PDE7B: variants seen among roughly 807,000 people sequenced by gnomAD.
PDE7B encodes 3',5'-cyclic-AMP phosphodiesterase 7B.
A neutral mutation model predicts 56.2 loss-of-function variants in PDE7B; 29 were observed. The observed-to-expected ratio is 0.52, with a 90% CI of 0.38 to 0.70. The LOEUF is 0.70. Among genes scored for constraint, PDE7B ranks in the 30% least tolerant of loss-of-function variants. PDE7B has a pLI of 0.00. For missense variants in PDE7B, 490 were observed against 565.0 expected (o/e 0.87, Z 1.35); for synonymous variants, 197 against 196.9 (o/e 1.00, Z 0.00).
intron 2 of PDE7B, among the ~76,000 whole-genome samples, chr6:136,085,810 G>A (rs1299761587): frequency 7.2e-5 from 11 of 152,302 alleles, no homozygotes; most frequent in African/African-American, 1.7e-4. Context: ...CCGTGGTACC[G>A]TAACTGACTA....
At chr6:135,875,730 T>C (rs1775479111) in intron 1 of PDE7B, among the ~76,000 whole-genome samples, 1 of 152,254 alleles carries the variant, frequency 6.6e-6, no homozygotes, top group African/African-American at 2.4e-5. Flanking sequence ...GACTAAAACG[T>C]ATCCTTATTT....
intron 2 of PDE7B, among the ~76,000 whole-genome samples, chr6:136,009,470 T>C (rs1207517882): frequency 6.6e-6 from 1 of 152,164 alleles, no homozygotes; most frequent in East Asian, 1.9e-4. Context: ...CTCATGAGCA[T>C]GGAATGTTCT....
At chr6:136,059,797 A>T (rs1258820297) in intron 2 of PDE7B, among the ~76,000 whole-genome samples, 1 of 152,244 alleles carries the variant, frequency 6.6e-6, no homozygotes, top group Non-Finnish European at 1.5e-5. Flanking sequence ...GATTGCTTCC[A>T]TAAGTAAAAG....
chr6:135,863,329 T>A (rs1400181073), intron 1 of PDE7B, among the ~76,000 whole-genome samples: 2 of 152,034 alleles, frequency 1.3e-5, no homozygotes, highest in East Asian at 3.8e-4. Context: ...AAATTGCCAT[T>A]TTTTTAGATC....
chr6:135,962,066 T>C (rs1224930427), intron 2 of PDE7B, among the ~76,000 whole-genome samples: 1 of 152,174 alleles, frequency 6.6e-6, no homozygotes, highest in African/African-American at 2.4e-5. Flanking sequence ...AGGTTGACAA[T>C]GGGAAAGTTT....
At chr6:136,164,660 G>T (rs1012306336) in intron 8 of PDE7B, among the ~76,000 whole-genome samples, 1 of 152,040 alleles carries the variant, frequency 6.6e-6, no homozygotes. Flanking sequence ...CCTGATGTTA[G>T]GAAATTTTTT....
At chr6:136,136,758 GAAA>G (rs113988168) in intron 3 of PDE7B, among the ~76,000 whole-genome samples, 4,593 of 127,182 alleles carry the variant, frequency 0.036, 262 homozygotes, top group African/African-American at 0.12. Flanking sequence ...AATAAATAAT[GAAA>G]AAAAAAAAAA....
chr6:135,853,436 A>G (rs907178555), intron 1 of PDE7B, among the ~76,000 whole-genome samples: 1 of 152,260 alleles, frequency 6.6e-6, no homozygotes, highest in Admixed American at 6.5e-5. Flanking sequence ...TTGCAAACGC[A>G]TAACTGCAGC....
At chr6:136,164,202 G>A (rs1382752914) in intron 8 of PDE7B, among the ~76,000 whole-genome samples, 1 of 152,154 alleles carries the variant, frequency 6.6e-6, no homozygotes, top group Non-Finnish European at 1.5e-5. Context: ...AGCAGAAGGA[G>A]AGGCAAACAC....
chr6:136,095,872 T>C (rs1272269046), intron 2 of PDE7B: 1 of 152,218 alleles, frequency 6.6e-6, no homozygotes, highest in East Asian at 1.9e-4. Flanking sequence ...TTTAAACTAT[T>C]ACCTAGCACA....
At chr6:136,018,939 T>C (rs1405642924) in intron 2 of PDE7B, among the ~76,000 whole-genome samples, 1 of 152,044 alleles carries the variant, frequency 6.6e-6, no homozygotes, top group East Asian at 1.9e-4. Context: ...TGTTCAGCAG[T>C]GTATGACTGG....
At chr6:135,926,743 G>A (rs550914355) in intron 1 of PDE7B, among the ~76,000 whole-genome samples, 1 of 152,174 alleles carries the variant, frequency 6.6e-6, no homozygotes, top group East Asian at 1.9e-4. Flanking sequence ...ATTTTGGGGT[G>A]GCATGTCCTG....
rs769454476 is a variant in PDE7B at position 135,851,728 on chromosome 6, G to A, written c.-271G>A. The A allele has an allele frequency of 4.0e-5, 16 of 404,478 alleles. No homozygotes were observed. Among genetic ancestry groups the A allele is most frequent in the East Asian group, 8.0e-5 (2 of 24,878 alleles). The allele number at this position is 404,478 out of a possible 1,614,324, so 25.1% of individuals were successfully genotyped here. On this transcript the variant is annotated 5_prime_UTR_variant, in exon 1 of 13. Transcript: ENST00000308191. ...TTGGTCTGGGCACTGCAGCAGGCTC[G>A]GCTCTGTCCCAGCACTTGTCTGGGA...
chr6:135,926,140 G>T (rs1017961295), intron 1 of PDE7B, among the ~76,000 whole-genome samples: 2 of 144,784 alleles, frequency 1.4e-5, no homozygotes, highest in Non-Finnish European at 3.0e-5. Context: ...AGGCTGCAGT[G>T]CAGTGGCGCA....
chr6:136,069,975 A>G (rs1777018518), intron 2 of PDE7B, among the ~76,000 whole-genome samples: 1 of 152,148 alleles, frequency 6.6e-6, no homozygotes, highest in South Asian at 2.1e-4. Context: ...AAGACCCCAA[A>G]ACTTTAAGTA....
chr6:136,095,208 G>A (rs926723364), intron 2 of PDE7B, among the ~76,000 whole-genome samples: 1 of 151,930 alleles, frequency 6.6e-6, no homozygotes, highest in African/African-American at 2.4e-5. Context: ...ATGTTTAATT[G>A]CTTATCAAAT....
intron 1 of PDE7B, among the ~76,000 whole-genome samples, chr6:135,927,736 A>G (rs551780169): frequency 6.6e-6 from 1 of 152,320 alleles, no homozygotes; most frequent in South Asian, 2.1e-4. Context: ...TCAGCAAAGA[A>G]TTTATGACTA....
intron 3 of PDE7B, among the ~76,000 whole-genome samples, chr6:136,114,284 A>C (rs957054297): frequency 2.6e-5 from 4 of 152,226 alleles, no homozygotes; most frequent in Admixed American, 2.6e-4. Flanking sequence ...ACCAATATAT[A>C]CAAACATATA....
intron 12 of PDE7B, among the ~76,000 whole-genome samples, chr6:136,187,646 C>T (rs1386872417): frequency 6.6e-6 from 1 of 152,206 alleles, no homozygotes; most frequent in East Asian, 1.9e-4. Context: ...CCTAAAACCA[C>T]ACTCTCTTTC....
Sources: allele counts gnomAD v4.1 joint callset (sites outside exome capture counted in the v4.1 genomes callset), GRCh38; gene constraint gnomAD v4.1.1; transcripts MANE v1.5; gene names NCBI Gene and HGNC (gene_info 2026-07-23, HGNC 2026-07-21).